Variants in GPC6 observed in about 807,000 individuals in gnomAD.
The protein encoded by GPC6 is glypican-6.
A neutral mutation model predicts 55.2 loss-of-function variants in GPC6; 14 were observed. The observed-to-expected ratio is 0.25, with a 90% confidence interval of 0.17 to 0.40. The LOEUF (loss-of-function observed/expected upper bound fraction) is 0.40, where lower values mean the gene tolerates loss of function less well. GPC6 is among the 10% of genes least tolerant of loss of function. The pLI is 1.00. For synonymous variants in GPC6, 278 were observed against 259.6 expected, an observed-to-expected ratio of 1.07 and a Z score of -0.68; for missense variants, 641 against 708.5, an observed-to-expected ratio of 0.90 and a Z score of 1.08.
chr13:94,100,837 C>T (rs895751232), intron 4 of GPC6, among the ~76,000 whole-genome samples: 1 of 152,168 alleles, frequency 6.6e-6, no homozygotes, highest in Non-Finnish European at 1.5e-5. Flanking sequence ...TTTGGAAATA[C>T]GTGAACCATT....
chr13:93,685,381 G>A lies in GPC6; in HGVS notation c.319+139960G>A, dbSNP rs114127624. Among the ~76,000 whole-genome samples the A allele has an allele frequency of 7.4e-3, 1,122 of 152,252 alleles. 12 individuals carry two copies. Among genetic ancestry groups the A allele is most frequent in the African/African-American group, 0.025 (1,044 of 41,562 alleles). ...CCTTATATCCGGGGCCATGCATGTA[G>A]TAGTTCCAAATGATCAAGGTAGAGA... On this transcript the variant is annotated intron_variant, in intron 2 of 8. Coordinates refer to ENST00000377047, the MANE Select transcript of GPC6 (RefSeq NM_005708.5).
At chr13:93,961,733 T>C (rs371247147) in intron 3 of GPC6, among the ~76,000 whole-genome samples, 13 of 152,318 alleles carry the variant, frequency 8.5e-5, no homozygotes, top group African/African-American at 3.1e-4. Context: ...AGAGGAGACT[T>C]GAAAGTTTAG....
chr13:94,165,201 G>GTT (rs1417756739), intron 4 of GPC6, among the ~76,000 whole-genome samples: 11 of 149,440 alleles, frequency 7.4e-5, no homozygotes, highest in African/African-American at 2.5e-4. Context: ...GTATGTGTGT[G>GTT]TGTGTGTATA....
intron 6 of GPC6, 172 bp downstream of exon 6, chr13:94,306,295 T>C (rs1875945721): frequency 5.5e-6 from 4 of 729,010 alleles, no homozygotes; most frequent in East Asian, 5.4e-5. Context: ...TTTTGGGTCA[T>C]GTATTGGATT....
chr13:94,153,302 A>G (rs1360343080), intron 4 of GPC6, among the ~76,000 whole-genome samples: 33 of 152,130 alleles, frequency 2.2e-4, no homozygotes, highest in Non-Finnish European at 2.9e-5. Flanking sequence ...AGCTTAGCAA[A>G]ATAAAGATCA....
intron 4 of GPC6, among the ~76,000 whole-genome samples, chr13:94,030,337 G>T (rs1883078681): frequency 2.0e-5 from 3 of 152,108 alleles, no homozygotes; most frequent in Admixed American, 2.0e-4. Context: ...ATTAGTCCTA[G>T]ATGTCTTTGA....
intron 4 of GPC6, among the ~76,000 whole-genome samples, chr13:94,152,532 G>A (rs942802169): frequency 2.0e-5 from 3 of 151,916 alleles, no homozygotes; most frequent in African/African-American, 4.8e-5. Context: ...AGAGTAAGTA[G>A]GTAAAATGTA....
At chr13:94,169,963 C>T (rs943675444) in intron 4 of GPC6, among the ~76,000 whole-genome samples, 4 of 152,066 alleles carry the variant, frequency 2.6e-5, no homozygotes, top group South Asian at 4.2e-4. Flanking sequence ...GTTGGGCAGG[C>T]GGGACCTCTG....
intron 3 of GPC6, among the ~76,000 whole-genome samples, chr13:93,883,627 C>T (rs1875136496): frequency 6.6e-6 from 1 of 152,004 alleles, no homozygotes; most frequent in Admixed American, 6.6e-5. Context: ...TATTCATGTC[C>T]TTAGCCCACT....
At chr13:94,355,224 A>G (rs1436463984) in intron 6 of GPC6, among the ~76,000 whole-genome samples, 2 of 151,076 alleles carry the variant, frequency 1.3e-5, no homozygotes, top group Non-Finnish European at 3.0e-5. Flanking sequence ...GGGTTTCACC[A>G]TTTGGTCAGG....
chr13:93,891,679 T>C (rs1594562765), intron 3 of GPC6, among the ~76,000 whole-genome samples: 1 of 150,824 alleles, frequency 6.6e-6, no homozygotes, highest in East Asian at 1.9e-4. Context: ...CTATACACAC[T>C]ATATATACAC....
chr13:94,256,924 A>C (rs1891524341), intron 4 of GPC6, among the ~76,000 whole-genome samples: 1 of 152,216 alleles, frequency 6.6e-6, no homozygotes, highest in East Asian at 1.9e-4. Flanking sequence ...CCAGGATAGC[A>C]CAGCGATCTG....
chr13:94,082,671 C>T (rs1885141453), intron 4 of GPC6, among the ~76,000 whole-genome samples: 1 of 152,192 alleles, frequency 6.6e-6, no homozygotes, highest in Non-Finnish European at 1.5e-5. Context: ...CCTTTTCTCA[C>T]ATTTTACACT....
chr13:94,020,334 G>A (rs1882648771), intron 3 of GPC6, among the ~76,000 whole-genome samples: 3 of 152,012 alleles, frequency 2.0e-5, no homozygotes, highest in African/African-American at 2.4e-5. Flanking sequence ...TTCCTTTGTG[G>A]TCAGAGAATA....
intron 2 of GPC6, among the ~76,000 whole-genome samples, chr13:93,572,941 A>G (rs915564483): frequency 6.6e-6 from 1 of 152,210 alleles, no homozygotes; most frequent in Non-Finnish European, 1.5e-5. Context: ...GAAAGATAGC[A>G]GGTCAGTTAA....
intron 1 of GPC6, among the ~76,000 whole-genome samples, chr13:93,542,067 C>T (rs1882330843): frequency 1.3e-5 from 2 of 152,084 alleles, no homozygotes; most frequent in East Asian, 1.9e-4. Flanking sequence ...GTTGCCATTG[C>T]TTTTGGTGTT....
intron 3 of GPC6, among the ~76,000 whole-genome samples, chr13:93,953,952 A>C (rs1012231390): frequency 4.6e-5 from 7 of 152,190 alleles, no homozygotes; most frequent in African/African-American, 1.7e-4. Flanking sequence ...TGTACAATTC[A>C]CTGACATCTG....
chr13:93,884,325 T>C (rs1392526091), intron 3 of GPC6, among the ~76,000 whole-genome samples: 1 of 152,156 alleles, frequency 6.6e-6, no homozygotes, highest in African/African-American at 2.4e-5. Flanking sequence ...GTAGAATATG[T>C]AGAATGCAAG....
intron 4 of GPC6, among the ~76,000 whole-genome samples, chr13:94,271,512 C>G (rs1467004556): frequency 6.6e-6 from 1 of 152,108 alleles, no homozygotes; most frequent in Non-Finnish European, 1.5e-5. Flanking sequence ...CTGAATAGGA[C>G]CTTCCCTAGC....
Sources: allele counts gnomAD v4.1 joint callset (sites outside exome capture counted in the v4.1 genomes callset), GRCh38; gene constraint gnomAD v4.1.1; transcripts MANE v1.5; gene names NCBI Gene and HGNC (gene_info 2026-07-23, HGNC 2026-07-21).